The following MYLK3 variants were observed in gnomAD, a reference collection of about 807,000 sequenced individuals.
The protein encoded by MYLK3 is myosin light chain kinase 3.
A neutral mutation model predicts 76.3 loss-of-function variants in MYLK3; 55 were observed. That is an observed-to-expected ratio of 0.72 (90% CI 0.58 to 0.90). The LOEUF (loss-of-function observed/expected upper bound fraction) is 0.90. Among genes scored for constraint, MYLK3 ranks in the 40% least tolerant of loss-of-function variants. MYLK3 has a pLI of 0.00. For synonymous variants in MYLK3, 416 were observed against 425.4 expected (o/e 0.98, Z 0.27); for missense variants, 973 against 1,053.6 (o/e 0.92, Z 1.06).
At chr16:46,754,365 C>G (rs1174903017) in intron 1 of MYLK3, among the ~76,000 whole-genome samples, 1 of 151,234 alleles carries the variant, frequency 6.6e-6, no homozygotes, top group Non-Finnish European at 1.5e-5. Flanking sequence ...AAATTCATGT[C>G]AAAATTTAAT....
intron 2 of MYLK3, 38 bp from the exon 3 acceptor site, chr16:46,738,181 G>A (rs764086983): frequency 2.1e-6 from 3 of 1,450,636 alleles, no homozygotes; most frequent in South Asian, 1.4e-5. Context: ...GCACTCCCAT[G>A]TGGAGGAGTC....
chr16:46,729,137 G>A lies in MYLK3; in HGVS notation c.1663-4C>T. On this transcript the variant is annotated splice_region_variant and splice_polypyrimidine_tract_variant and intron_variant, in intron 6 of 12. Transcript: ENST00000394809. ...TGATCTCGTTCTTCACGTCCTCCTT[G>A]GGGGAACCAGAGGACAGAAGGATTT... 6.2e-7 allele frequency: 1 copy of A among 1,611,274 alleles called. No individual in the cohort carries two copies. Among genetic ancestry groups the A allele is most frequent in the East Asian group, 2.2e-5 (1 of 44,864 alleles).
rs758287896 is a variant in MYLK3 at position 46,747,957 on chromosome 16, A to C, written c.237T>G (p.Asp79Glu). 52 of 1,613,040 alleles carry C rather than the reference A, an allele frequency of 3.2e-5. No individual in the cohort carries two copies. Among genetic ancestry groups the C allele is most frequent in the Non-Finnish European group, 3.9e-5 (46 of 1,179,762 alleles). Reference sequence around the variant, plus strand: ...CCTGGGTGTCAATGTGGGGAACCCCATCAGCCCCGCCCGGGCCCGGTGCCC... The same window carrying C: ...CCTGGGTGTCAATGTGGGGAACCCCCTCAGCCCCGCCCGGGCCCGGTGCCC... ...ASRAPGPGGADGVPHIDTQAG... is the reference protein window; with the variant it reads ...ASRAPGPGGAEGVPHIDTQAG... Residue 79 changes from aspartate to glutamate, a missense_variant, in exon 1 of 13, where the codon GAT (aspartate) becomes GAG (glutamate). Physicochemically the swap from Asp to Glu is conservative, Grantham distance 45. Coordinates refer to ENST00000394809, the MANE Select transcript of MYLK3 (RefSeq NM_182493.3).
At chr16:46,739,123 G>A (rs1179633350) in intron 2 of MYLK3, among the ~76,000 whole-genome samples, 1 of 152,072 alleles carries the variant, frequency 6.6e-6, no homozygotes, top group Non-Finnish European at 1.5e-5. Context: ...TTACAGGTGT[G>A]AGCCACCGTG....
intron 7 of MYLK3, among the ~76,000 whole-genome samples, chr16:46,728,798 C>A (rs1966847041): frequency 6.6e-6 from 1 of 152,200 alleles, no homozygotes; most frequent in Non-Finnish European, 1.5e-5. Context: ...CATACACCTG[C>A]AGGTCAAATC....
intron 1 of MYLK3, among the ~76,000 whole-genome samples, chr16:46,753,959 G>T (rs926834064): frequency 1.3e-5 from 2 of 152,184 alleles, no homozygotes; most frequent in Non-Finnish European, 2.9e-5. Flanking sequence ...AGAAAAGCGT[G>T]AAAGGCTATT....
chr16:46,731,653 T>TG (rs1966852771), intron 4 of MYLK3, among the ~76,000 whole-genome samples: 1 of 152,186 alleles, frequency 6.6e-6, no homozygotes, highest in Admixed American at 6.5e-5. Context: ...GAACACACCC[T>TG]GGGTCACTAG....
chr16:46,750,447 G>A (rs1967108362), upstream of MYLK3, among the ~76,000 whole-genome samples: 1 of 152,248 alleles, frequency 6.6e-6, no homozygotes, highest in Admixed American at 6.5e-5. Context: ...TATAATCCCA[G>A]CACTTTGGGA....
chr16:46,729,406 C>T (rs1966848102), intron 6 of MYLK3, among the ~76,000 whole-genome samples, 188 bp downstream of exon 6: 1 of 152,160 alleles, frequency 6.6e-6, no homozygotes, highest in Non-Finnish European at 1.5e-5. Flanking sequence ...TGTGCCTGGA[C>T]ACCTGCGCAT....
At chr16:46,736,591 G>A (rs1029564698) in intron 3 of MYLK3, among the ~76,000 whole-genome samples, 3 of 152,138 alleles carry the variant, frequency 2.0e-5, no homozygotes, top group South Asian at 2.1e-4. Flanking sequence ...TTCCGATCCC[G>A]GGATGCCTGC....
intron 8 of MYLK3, among the ~76,000 whole-genome samples, chr16:46,724,262 C>T (rs1230211546): frequency 6.6e-6 from 1 of 151,950 alleles, no homozygotes; most frequent in Non-Finnish European, 1.5e-5. Flanking sequence ...TATTATTTTA[C>T]TTTTCTCATG....
chr16:46,709,400 C>T, intron 12 of MYLK3, 139 bp downstream of exon 12: 1 of 933,248 alleles, frequency 1.1e-6, no homozygotes, highest in Non-Finnish European at 1.6e-6. Context: ...CCAGCCTGGG[C>T]AACAGAGCAA....
At chr16:46,750,366 C>T (rs1186025091), upstream of MYLK3, among the ~76,000 whole-genome samples, 1 of 152,154 alleles carries the variant, frequency 6.6e-6, no homozygotes, top group Non-Finnish European at 1.5e-5. Flanking sequence ...GTGGAGATCT[C>T]TGGAGAACCA....
At chr16:46,751,169 G>C (rs1238752322), upstream of MYLK3, among the ~76,000 whole-genome samples, 1 of 152,100 alleles carries the variant, frequency 6.6e-6, no homozygotes, top group East Asian at 1.9e-4. Context: ...CCAGCACTTT[G>C]GGAGGCCAAG....
At chr16:46,746,498 G>T (rs1567291602) in intron 1 of MYLK3, among the ~76,000 whole-genome samples, 1 of 152,240 alleles carries the variant, frequency 6.6e-6, no homozygotes, top group African/African-American at 2.4e-5. Flanking sequence ...ATAGCTCACC[G>T]AAGCCTCCAT....
At chr16:46,747,629 T>C in intron 1 of MYLK3, 88 bp downstream of exon 1, 1 of 1,309,302 alleles carries the variant, frequency 7.6e-7, no homozygotes, top group Middle Eastern at 2.6e-4. Context: ...ACACCATGCC[T>C]CCAGCTCTCC....
chr16:46,758,435 C>T (rs866231163), intron 1 of MYLK3, among the ~76,000 whole-genome samples: 1 of 152,176 alleles, frequency 6.6e-6, no homozygotes, highest in Non-Finnish European at 1.5e-5. Flanking sequence ...CTGCGCTGAG[C>T]GCTTTGGCTG....
rs139723106 is a variant in MYLK3 at position 46,740,097 on chromosome 16, G to A, written c.528C>T (p.Ser176=). ...TGGCATCAGACTGCACCCCACTGGT[G>A]CTCAGCACATGCTTTGGTTTTCCTC... The part of the protein sequence containing the change: ...EEGGKPKHVL[S]TSGVQSDARE... Residue 176 remains serine (S), a synonymous_variant, in exon 2 of 13, where the codon AGC becomes AGT. Transcript: ENST00000394809. 7 of 1,613,506 alleles carry A rather than the reference G, an allele frequency of 4.3e-6. No homozygotes were observed. The African/African-American group carries it at 6.7e-5, about 15-fold the overall frequency.
chr16:46,711,082 G>A, intron 10 of MYLK3: 1 of 405,890 alleles, frequency 2.5e-6, no homozygotes, highest in Middle Eastern at 7.3e-4. Flanking sequence ...GCCCAACTTG[G>A]TATGCCCAGT....
Sources: gnomAD v4.1 joint callset for allele counts (sites outside exome capture counted in the v4.1 genomes callset) on GRCh38, gnomAD v4.1.1 for gene constraint, MANE v1.5 for transcripts, NCBI Gene and HGNC (gene_info 2026-07-23, HGNC 2026-07-21) for gene names.